Variants in TINAG observed in about 807,000 individuals in gnomAD.
TINAG encodes tubulointerstitial nephritis antigen.
Under a neutral mutation model 72.7 loss-of-function variants are expected in TINAG, and 83 were observed. The observed-to-expected ratio is 1.14, with a 90% CI of 0.96 to 1.37. The LOEUF (loss-of-function observed/expected upper bound fraction) is 1.37. TINAG is among the 40% of genes most tolerant of loss of function. The probability of loss-of-function intolerance (pLI) is 0.00; values close to 1 mark genes in which losing one functional copy is unlikely to be tolerated. For synonymous variants in TINAG, 234 were observed against 189.9 expected, an observed-to-expected ratio of 1.23 and a Z score of -1.91; for missense variants, 685 against 576.6, an observed-to-expected ratio of 1.19 and a Z score of -1.93.
At chr6:54,368,010 T>A (rs747551707) in intron 9 of TINAG, among the ~76,000 whole-genome samples, 5 of 151,556 alleles carry the variant, frequency 3.3e-5, no homozygotes, top group Admixed American at 6.6e-5. Flanking sequence ...AGACCCCACC[T>A]CCTAATACCA....
chr6:54,334,300 C>T (rs183086650), intron 4 of TINAG, among the ~76,000 whole-genome samples: 1 of 152,298 alleles, frequency 6.6e-6, no homozygotes, highest in African/African-American at 2.4e-5. Flanking sequence ...AAGCTCTCAG[C>T]ATCTTTAGCA....
In TINAG at chr6:54,312,515, A is replaced by T. The variant is rs60267994; in HGVS notation, c.355+3610A>T. Among the ~76,000 whole-genome samples, 3,681 of 152,246 alleles carry T rather than the reference A, an allele frequency of 0.024. 274 individuals are homozygous for T. The East Asian group carries it at 0.3, about 12-fold the overall frequency. On this transcript the variant is annotated intron_variant, in intron 1 of 10. Transcript: ENST00000259782. ...GAAATGTAGATAAGTTCCCTTTAAG[A>T]CTAGTAATAAAACATGGGTTTCTAC... is the stretch of plus-strand genomic sequence containing the variant.
At chr6:54,344,609 A>C (rs756469759) in intron 5 of TINAG, among the ~76,000 whole-genome samples, 9 of 152,218 alleles carry the variant, frequency 5.9e-5, no homozygotes, top group Non-Finnish European at 1.0e-4. Flanking sequence ...AATTTATATT[A>C]TGCCAGTATT....
intron 10 of TINAG, among the ~76,000 whole-genome samples, chr6:54,385,879 A>T (rs1247379590): frequency 6.8e-4 from 55 of 80,710 alleles, no homozygotes; most frequent in South Asian, 1.3e-3. Context: ...AAAAAACATG[A>T]TTTTTTTTTT....
chr6:54,310,989 C>A (rs1318644194), intron 1 of TINAG, among the ~76,000 whole-genome samples: 1 of 150,886 alleles, frequency 6.6e-6, no homozygotes, highest in Non-Finnish European at 1.5e-5. Context: ...CCTTCTCCCT[C>A]TCCCTTTCCT....
chr6:54,333,504 A>C (rs999551839), intron 4 of TINAG, among the ~76,000 whole-genome samples: 1 of 152,082 alleles, frequency 6.6e-6, no homozygotes, highest in Non-Finnish European at 1.5e-5. Flanking sequence ...CGTTAGGAGA[A>C]ATATCTAATG....
In TINAG at chr6:54,326,922, T is replaced by G; in HGVS notation, c.624+6T>G. ...TGAGCATGAATGAAATGACAGTAAG[T>G]GTTCCTTCTGATTCACGTATGTGCA... On this transcript the variant is annotated splice_donor_region_variant and intron_variant, in intron 4 of 10. Coordinates refer to ENST00000259782, the MANE Select transcript of TINAG (RefSeq NM_014464.4). 1 of 1,613,178 alleles carries G rather than the reference T, an allele frequency of 6.2e-7. No homozygotes were observed. Among genetic ancestry groups the G allele is most frequent in the Non-Finnish European group, 8.5e-7 (1 of 1,179,806 alleles).
chr6:54,323,486 A>T (rs1784537645), intron 3 of TINAG, among the ~76,000 whole-genome samples: 1 of 152,212 alleles, frequency 6.6e-6, no homozygotes, highest in Non-Finnish European at 1.5e-5. Context: ...TCAAATATGC[A>T]ATCTTTGGTT....
At chr6:54,329,876 A>G (rs917528455) in intron 4 of TINAG, among the ~76,000 whole-genome samples, 4 of 152,112 alleles carry the variant, frequency 2.6e-5, no homozygotes, top group African/African-American at 9.7e-5. Context: ...AAGACCAAGA[A>G]GGGCATTACA....
chr6:54,352,617 G>A (rs1002361017), intron 8 of TINAG, among the ~76,000 whole-genome samples: 5 of 151,754 alleles, frequency 3.3e-5, no homozygotes, highest in Admixed American at 2.6e-4. Flanking sequence ...TGGACTCAAG[G>A]TTACACTAAA....
At chr6:54,366,689 A>G (rs1264492682) in intron 9 of TINAG, among the ~76,000 whole-genome samples, 1 of 151,524 alleles carries the variant, frequency 6.6e-6, no homozygotes, top group African/African-American at 2.4e-5. Context: ...TACATTGAGT[A>G]GCGAAGATGT....
At chr6:54,365,174 T>A (rs1245798636) in intron 9 of TINAG, among the ~76,000 whole-genome samples, 3 of 151,580 alleles carry the variant, frequency 2.0e-5, no homozygotes, top group African/African-American at 7.2e-5. Context: ...TATGCTTATT[T>A]AGCAAATGCA....
At chr6:54,310,106 TGA>T (rs1784206349) in intron 1 of TINAG, among the ~76,000 whole-genome samples, 1 of 150,158 alleles carries the variant, frequency 6.7e-6, no homozygotes, top group Non-Finnish European at 1.5e-5. Flanking sequence ...TGTGTGTGTG[TGA>T]GTCTTGCTCT....
At chr6:54,343,771 G>A (rs955185678) in intron 5 of TINAG, among the ~76,000 whole-genome samples, 1 of 151,882 alleles carries the variant, frequency 6.6e-6, no homozygotes, top group Non-Finnish European at 1.5e-5. Flanking sequence ...AATCTAATTT[G>A]ATGTGAAGTA....
rs13216582 is a variant in TINAG at position 54,364,493 on chromosome 6, A to G, written c.1250+9857A>G. On this transcript the variant is annotated intron_variant, in intron 9 of 10. Transcript: ENST00000259782. The stretch of plus-strand genomic sequence containing the variant: ...AGTCAAAATAGACTAAAAATATTTA[A>G]TAATTCAAATATATTAATAGAAGTT... Among the ~76,000 whole-genome samples the G allele has an allele frequency of 5.3e-3, 805 of 151,654 alleles. 5 individuals are homozygous for G. Among genetic ancestry groups the G allele is most frequent in the Middle Eastern group, 0.031 (9 of 294 alleles).
Position 54,308,911 on chromosome 6 carries a change from C to A in TINAG, c.355+6C>A. On this transcript the variant is annotated splice_donor_region_variant and intron_variant, in intron 1 of 10. Transcript: ENST00000259782. ...ACAGCCTTGGTATCCAGAAGGTAGG[C>A]TTTGGGAATGTGTTTCAACATCATC... is the stretch of plus-strand genomic sequence containing the variant. 1 of 1,592,434 alleles carries A rather than the reference C, an allele frequency of 6.3e-7. No homozygotes were observed. Among genetic ancestry groups the A allele is most frequent in the South Asian group, 1.1e-5 (1 of 88,606 alleles).
At chr6:54,342,306 T>C (rs1785015295) in intron 4 of TINAG, among the ~76,000 whole-genome samples, 1 of 151,946 alleles carries the variant, frequency 6.6e-6, no homozygotes, top group African/African-American at 2.4e-5. Context: ...GGCTTTAACC[T>C]GGGCTCTTAA....
In TINAG at chr6:54,349,662, A is replaced by G; in HGVS notation, c.900-54A>G. 2.2e-6 allele frequency: 3 copies of G among 1,385,442 alleles called. No homozygotes were observed. In the South Asian group the frequency reaches 4.8e-5, roughly 22 times the overall value. 85.8% of individuals were successfully genotyped at this position (1,385,442 alleles called of 1,614,324 possible). ...TTCAGTAAGATTAAATATAAAAAGG[A>G]TATTACGACATTCTCCTAAATATTA... is the stretch of plus-strand genomic sequence containing the variant. On this transcript the variant is annotated intron_variant, in intron 6 of 10. Coordinates refer to ENST00000259782, the MANE Select transcript of TINAG (RefSeq NM_014464.4).
chr6:54,376,351 A>G (rs988160153), intron 9 of TINAG, among the ~76,000 whole-genome samples: 2 of 152,018 alleles, frequency 1.3e-5, no homozygotes, highest in Admixed American at 6.6e-5. Context: ...TAATTTGTTG[A>G]AAAAAAAGTA....
Sources: allele counts gnomAD v4.1 joint callset (sites outside exome capture counted in the v4.1 genomes callset), GRCh38; gene constraint gnomAD v4.1.1; transcripts MANE v1.5; gene names NCBI Gene and HGNC (gene_info 2026-07-23, HGNC 2026-07-21).